Variants in TBL1X observed in about 807,000 individuals in gnomAD.
The protein encoded by TBL1X is transducin beta like 1 X-linked.
Under a neutral mutation model 50.7 loss-of-function variants are expected in TBL1X, and 10 were observed. The observed-to-expected ratio is 0.20, with a 90% CI of 0.12 to 0.33. The LOEUF is 0.33. Among genes scored for constraint, TBL1X ranks in the 10% least tolerant of loss-of-function variants. TBL1X has a pLI of 1.00. For synonymous variants in TBL1X, 190 were observed against 214.7 expected, an observed-to-expected ratio of 0.88 and a Z score of 1.01; for missense variants, 340 against 504.4, an observed-to-expected ratio of 0.67 and a Z score of 3.12.
At position 9,477,288 on chromosome X, in the gene TBL1X, A is replaced by G. The variant is rs150123563; in HGVS notation, c.-201+11841A>G. ...GGGCTGGATTCGTAGTTTGCTATCT[A>G]AGAGTAAATGTTCAACCTTCTCTAA... On this transcript the variant is annotated intron_variant, in intron 1 of 17. Coordinates refer to ENST00000645353, the MANE Select transcript of TBL1X (RefSeq NM_005647.4). 0.015 allele frequency among the ~76,000 whole-genome samples: 1,722 copies of G among 112,204 alleles called. 54 individuals are homozygous for G. In the East Asian group the frequency reaches 0.19, roughly 12 times the overall value.
chrX:9,689,216 C>G (rs893607421), intron 7 of TBL1X, among the ~76,000 whole-genome samples: 1 of 112,364 alleles, frequency 8.9e-6, no homozygotes, highest in Non-Finnish European at 1.9e-5. Context: ...CCTTGAAGAT[C>G]GAGCTGACTA....
intron 12 of TBL1X, 28 bp downstream of exon 12, chrX:9,697,457 T>C: frequency 1.7e-6 from 2 of 1,205,613 alleles, no homozygotes; most frequent in Non-Finnish European, 2.2e-6. Context: ...GTTGTTGTTG[T>C]TTGTTTTTTT....
At chrX:9,488,810 A>G (rs1401566416) in intron 1 of TBL1X, among the ~76,000 whole-genome samples, 1 of 110,724 alleles carries the variant, frequency 9.0e-6, no homozygotes, top group Non-Finnish European at 1.9e-5. Context: ...CTGTTGAGCC[A>G]TTTGGTTTGT....
intron 3 of TBL1X, among the ~76,000 whole-genome samples, chrX:9,648,711 A>G (rs2082818059): frequency 8.9e-6 from 1 of 112,486 alleles, no homozygotes; most frequent in South Asian, 3.7e-4. Flanking sequence ...CCATCACTCA[A>G]GCCAGAAATG....
At chrX:9,632,579 A>C (rs775906412) in intron 2 of TBL1X, among the ~76,000 whole-genome samples, 1 of 112,133 alleles carries the variant, frequency 8.9e-6, no homozygotes, top group South Asian at 3.7e-4. Context: ...CACTGCGCCC[A>C]GCCAAAATGT....
At chrX:9,609,336 G>GGGGTGGGTGTGT (rs1555900202) in intron 2 of TBL1X, among the ~76,000 whole-genome samples, 25 of 94,773 alleles carry the variant, frequency 2.6e-4, no homozygotes, top group African/African-American at 9.3e-4. Context: ...TTTTCTTCCA[G>GGGGTGGGTGTGT]GTGTGTGTGT....
At chrX:9,624,385 A>C (rs1177280328) in intron 2 of TBL1X, among the ~76,000 whole-genome samples, 2 of 112,244 alleles carry the variant, frequency 1.8e-5, no homozygotes, top group Non-Finnish European at 3.8e-5. Context: ...CACTTGGTTC[A>C]TAGTGTTTAA....
chrX:9,597,996 A>G (rs763658605), intron 2 of TBL1X, among the ~76,000 whole-genome samples: 11 of 112,308 alleles, frequency 9.8e-5, no homozygotes, highest in African/African-American at 3.6e-4. Context: ...GCATCTCAGA[A>G]TGTGAGCTTA....
chrX:9,675,671 C>A (rs1183541500), intron 5 of TBL1X, among the ~76,000 whole-genome samples: 1 of 111,215 alleles, frequency 9.0e-6, no homozygotes, highest in Non-Finnish European at 1.9e-5. Flanking sequence ...GGTGGATCAC[C>A]TGAGGTCAGG....
At chrX:9,512,527 A>AG (rs2082061201) in intron 2 of TBL1X, among the ~76,000 whole-genome samples, 1 of 103,973 alleles carries the variant, frequency 9.6e-6, no homozygotes, top group East Asian at 3.1e-4. Context: ...TTTTTTTGGG[A>AG]GATGGAGTCT....
At chrX:9,504,490 T>C (rs1352361245) in intron 2 of TBL1X, among the ~76,000 whole-genome samples, 2 of 111,901 alleles carry the variant, frequency 1.8e-5, no homozygotes, top group African/African-American at 6.5e-5. Context: ...AGATGGGTTA[T>C]AAAAAACTAC....
intron 13 of TBL1X, among the ~76,000 whole-genome samples, chrX:9,706,835 C>T: frequency 9.0e-6 from 1 of 111,408 alleles, no homozygotes; most frequent in African/African-American, 3.3e-5. Flanking sequence ...GCGCTGAGCC[C>T]TGCCTGGAAT....
intron 2 of TBL1X, among the ~76,000 whole-genome samples, chrX:9,545,041 C>G (rs1195300797): frequency 2.4e-5 from 2 of 83,423 alleles, no homozygotes; most frequent in African/African-American, 4.7e-5. Context: ...GAGTCTCACT[C>G]TCTTGCCCAG....
At chrX:9,605,133 C>T (rs931523874) in intron 2 of TBL1X, among the ~76,000 whole-genome samples, 1 of 110,143 alleles carries the variant, frequency 9.1e-6, no homozygotes, top group Non-Finnish European at 1.9e-5. Flanking sequence ...TCATGTCACC[C>T]AGGTGACATG....
chrX:9,479,937 A>AGT (rs1353868118), intron 1 of TBL1X, among the ~76,000 whole-genome samples: 1 of 37,894 alleles, frequency 2.6e-5, no homozygotes, highest in African/African-American at 7.6e-5. Context: ...AGGAAAGTAG[A>AGT]ATGTGTGTGT....
At chrX:9,690,968 C>G (rs928515818) in intron 7 of TBL1X, among the ~76,000 whole-genome samples, 2 of 111,428 alleles carry the variant, frequency 1.8e-5, no homozygotes, top group Non-Finnish European at 3.8e-5. Context: ...TGCTGTTGAA[C>G]TCCTGGTCTC....
At chrX:9,472,075 G>A (rs893439335) in intron 1 of TBL1X, among the ~76,000 whole-genome samples, 1 of 111,561 alleles carries the variant, frequency 9.0e-6, no homozygotes, top group Non-Finnish European at 1.9e-5. Context: ...AAGAAGAGAA[G>A]GGCATGTGTC....
At chrX:9,491,388 T>A (rs1287390961) in intron 1 of TBL1X, among the ~76,000 whole-genome samples, 3 of 95,107 alleles carry the variant, frequency 3.2e-5, no homozygotes, top group Non-Finnish European at 6.2e-5. Flanking sequence ...TCATGCAGGC[T>A]GGAGTGTAGT....
intron 2 of TBL1X, among the ~76,000 whole-genome samples, chrX:9,537,694 G>A (rs1219188060): frequency 3.5e-5 from 4 of 112,771 alleles, no homozygotes; most frequent in African/African-American, 1.3e-4. Flanking sequence ...ACTACACTCT[G>A]TTTATCCACT....
Sources: allele counts gnomAD v4.1 joint callset (sites outside exome capture counted in the v4.1 genomes callset), GRCh38; gene constraint gnomAD v4.1.1; transcripts MANE v1.5; gene names NCBI Gene and HGNC (gene_info 2026-07-23, HGNC 2026-07-21).